Variants in BBS9 observed in about 807,000 individuals in gnomAD.
The protein encoded by BBS9 is protein PTHB1.
Under a neutral mutation model 117.7 loss-of-function variants are expected in BBS9, and 89 were observed. That is an observed-to-expected ratio of 0.76 (90% confidence interval 0.64 to 0.90). The LOEUF (loss-of-function observed/expected upper bound fraction) is 0.90, where lower values mean the gene tolerates loss of function less well. Among genes scored for constraint, BBS9 ranks in the 40% least tolerant of loss-of-function variants. The probability of loss-of-function intolerance (pLI) is 0.00; values close to 1 mark genes in which losing one functional copy is unlikely to be tolerated. For synonymous variants in BBS9, 379 were observed against 370.9 expected (o/e 1.02, Z -0.25); for missense variants, 982 against 1,042.2 (o/e 0.94, Z 0.80).
intron 17 of BBS9, among the ~76,000 whole-genome samples, chr7:33,369,005 C>T (rs972481909): frequency 5.3e-5 from 8 of 152,090 alleles, no homozygotes; most frequent in African/African-American, 1.7e-4. Context: ...GTATTCTTTA[C>T]ATTGGCATCA....
At chr7:33,407,894 C>T (rs999812119) in intron 19 of BBS9, among the ~76,000 whole-genome samples, 2 of 152,232 alleles carry the variant, frequency 1.3e-5, no homozygotes, top group Non-Finnish European at 2.9e-5. Context: ...GGTCAGGGAC[C>T]CACTAGAGGA....
chr7:33,634,396 T>C (rs969140898), intron 21 of BBS9, among the ~76,000 whole-genome samples: 4 of 152,234 alleles, frequency 2.6e-5, no homozygotes, highest in Non-Finnish European at 5.9e-5. Context: ...TTAAGCCCTC[T>C]GAGCCTCATT....
At chr7:33,532,040 G>GAATACCAGACATGC (rs1262730659) in intron 20 of BBS9, among the ~76,000 whole-genome samples, 16 of 152,160 alleles carry the variant, frequency 1.1e-4, no homozygotes, top group African/African-American at 3.9e-4. Flanking sequence ...CACTCTCAGG[G>GAATACCAGACATGC]AATACCAGAC....
chr7:33,510,334 T>C (rs1274049634), intron 20 of BBS9, among the ~76,000 whole-genome samples: 1 of 151,912 alleles, frequency 6.6e-6, no homozygotes, highest in East Asian at 2.0e-4. Flanking sequence ...CTATGGAAAA[T>C]ACTTTATCTG....
At chr7:33,294,930 C>G (rs1010933742) in intron 9 of BBS9, among the ~76,000 whole-genome samples, 1 of 152,096 alleles carries the variant, frequency 6.6e-6, no homozygotes, top group African/African-American at 2.4e-5. Flanking sequence ...CTCTTCTTTC[C>G]TAAGTAAACT....
chr7:33,508,612 G>C (rs989169367), intron 20 of BBS9, among the ~76,000 whole-genome samples: 2 of 152,184 alleles, frequency 1.3e-5, no homozygotes, highest in African/African-American at 4.8e-5. Context: ...TTATACACGT[G>C]CTTCATTGCT....
downstream of BBS9, among the ~76,000 whole-genome samples, chr7:33,606,656 C>T (rs747959027): frequency 1.3e-5 from 2 of 152,116 alleles, no homozygotes; most frequent in Non-Finnish European, 2.9e-5. Context: ...CAACACCCTA[C>T]TTCCCAGATT....
At chr7:33,557,738 A>T (rs1357885221) in intron 21 of BBS9, among the ~76,000 whole-genome samples, 1 of 152,068 alleles carries the variant, frequency 6.6e-6, no homozygotes, top group Non-Finnish European at 1.5e-5. Context: ...CTGCTTCCAG[A>T]CTCTTTTCCA....
rs75938595 is a variant in BBS9, at chr7:33,352,933, A to G, written c.1552+60A>G. The G allele has an allele frequency of 2.4e-3, 3,706 of 1,526,130 alleles. 79 individuals carry two copies. The African/African-American group carries it at 0.044, about 18-fold the overall frequency. The allele number at this position is 1,526,130 out of a possible 1,614,324, so 94.5% of individuals were successfully genotyped here. A position where few individuals can be genotyped will look rare whatever the true frequency, so the allele number is the denominator to read the frequency against. ...TCAGAACTGAAATTTGATGAATTGA[A>G]TTGGTATTATACCATGAATGAACTC... On this transcript the variant is annotated intron_variant, in intron 15 of 22. Transcript: ENST00000242067.
chr7:33,498,140 G>C (rs1347195914), intron 19 of BBS9, among the ~76,000 whole-genome samples: 2 of 152,132 alleles, frequency 1.3e-5, no homozygotes, highest in Middle Eastern at 3.2e-3. Flanking sequence ...AGCATCACCA[G>C]TAGTCATAGT....
intron 9 of BBS9, among the ~76,000 whole-genome samples, chr7:33,274,314 G>A (rs78080780): frequency 0.013 from 2,046 of 152,214 alleles, 24 homozygotes; most frequent in Middle Eastern, 0.054. Context: ...AGACTGTGAC[G>A]ATATTACACT....
At chr7:33,614,451 A>G (rs994499134) in intron 21 of BBS9, among the ~76,000 whole-genome samples, 1 of 151,986 alleles carries the variant, frequency 6.6e-6, no homozygotes, top group African/African-American at 2.4e-5. Context: ...GGAGCTTGGA[A>G]AACGTCACTC....
chr7:33,577,958 G>A (rs938997294), intron 21 of BBS9, among the ~76,000 whole-genome samples: 2 of 152,098 alleles, frequency 1.3e-5, no homozygotes, highest in Non-Finnish European at 2.9e-5. Context: ...TGTAAATGAC[G>A]AGTTGATGGG....
intron 19 of BBS9, among the ~76,000 whole-genome samples, chr7:33,397,425 C>G (rs1433802056): frequency 6.6e-6 from 1 of 152,064 alleles, no homozygotes; most frequent in East Asian, 1.9e-4. Context: ...TCTCAAAGAC[C>G]TAGAGGCAGA....
intron 9 of BBS9, among the ~76,000 whole-genome samples, chr7:33,275,119 G>A (rs754096185): frequency 2.6e-5 from 4 of 151,756 alleles, no homozygotes; most frequent in South Asian, 2.1e-4. Context: ...GAAGCTCAAC[G>A]AAGGGTATTC....
At chr7:33,528,166 T>C (rs1849952795) in intron 20 of BBS9, among the ~76,000 whole-genome samples, 1 of 152,190 alleles carries the variant, frequency 6.6e-6, no homozygotes, top group African/African-American at 2.4e-5. Context: ...TTTTTTTCCC[T>C]TTAATACAGT....
chr7:33,357,954 A>T lies in BBS9; in HGVS notation c.1652A>T (p.Asp551Val). Residue 551 changes from aspartate (D) to valine (V), a missense_variant, in exon 16 of 23, where the codon GAT becomes GTT. Asp to Val is a radical substitution (Grantham distance 152, BLOSUM62 -3). Coordinates refer to ENST00000242067, the MANE Select transcript of BBS9 (RefSeq NM_198428.3). ...SKTASHKITI[D>V]TNKSPVSLLS... ...ACTGCAAGCCACAAAATTACTATTG[A>T]TACCAACAAATCTCCAGTCAGTCTT... 1 of 1,612,660 alleles carries T rather than the reference A, an allele frequency of 6.2e-7. No individual in the cohort carries two copies. The highest frequency in any genetic ancestry group is 8.5e-7 in the Non-Finnish European group (1 of 1,178,964).
At chr7:33,157,441 C>G (rs1236285521) in intron 4 of BBS9, among the ~76,000 whole-genome samples, 3 of 152,170 alleles carry the variant, frequency 2.0e-5, no homozygotes, top group African/African-American at 7.2e-5. Context: ...AAACTACATT[C>G]TCTTAGGCCC....
chr7:33,304,926 T>G (rs939079030), intron 9 of BBS9, among the ~76,000 whole-genome samples: 2 of 152,106 alleles, frequency 1.3e-5, no homozygotes, highest in Non-Finnish European at 2.9e-5. Flanking sequence ...AAACAGATGC[T>G]TGAAGGCAGC....
Sources: gnomAD v4.1 joint callset for allele counts (sites outside exome capture counted in the v4.1 genomes callset) on GRCh38, gnomAD v4.1.1 for gene constraint, MANE v1.5 for transcripts, NCBI Gene and HGNC (gene_info 2026-07-23, HGNC 2026-07-21) for gene names.